The following NAT1 variants were observed in gnomAD, a reference collection of about 807,000 sequenced individuals.
The protein encoded by NAT1 is arylamine N-acetyltransferase 1.
For missense variants in NAT1, 400 were observed against 339.2 expected, an observed-to-expected ratio of 1.18 and a Z score of -1.41; for synonymous variants, 144 against 122.6, an observed-to-expected ratio of 1.17 and a Z score of -1.16.
chr8:18,191,747 C>A (rs1235804847), intron 2 of NAT1, among the ~76,000 whole-genome samples: 2 of 152,018 alleles, frequency 1.3e-5, no homozygotes, highest in Admixed American at 1.3e-4. Flanking sequence ...GAAAGGATTC[C>A]CTATTTAATA....
intron 2 of NAT1, among the ~76,000 whole-genome samples, chr8:18,183,601 C>G (rs1432964524): frequency 6.6e-6 from 1 of 152,202 alleles, no homozygotes; most frequent in African/African-American, 2.4e-5. Flanking sequence ...AATGGTTCAT[C>G]ATTTTCTGTG....
chr8:18,193,631 CTT>C (rs796247875), intron 2 of NAT1, among the ~76,000 whole-genome samples: 221 of 57,522 alleles, frequency 3.8e-3, no homozygotes, highest in African/African-American at 0.015. Context: ...TGTAAACCTG[CTT>C]TTTTTTTTTT....
chr8:18,216,864 AT>A (rs773292157), intron 1 of NAT1: 81 of 1,500,176 alleles, frequency 5.4e-5, no homozygotes, highest in Non-Finnish European at 7.2e-5. Flanking sequence ...ACTCATAATT[AT>A]TTCTTCAACA....
At chr8:18,199,334 A>AC (rs929943394) in intron 2 of NAT1, among the ~76,000 whole-genome samples, 11 of 151,850 alleles carry the variant, frequency 7.2e-5, no homozygotes, top group Admixed American at 3.9e-4. Context: ...AAAAAAAAAA[A>AC]AAAATTTTTT....
chr8:18,187,976 C>CACACAT (rs1422789263), intron 2 of NAT1, among the ~76,000 whole-genome samples: 1 of 150,726 alleles, frequency 6.6e-6, no homozygotes, highest in Non-Finnish European at 1.5e-5. Context: ...CACACACACA[C>CACACAT]ACACTTTTAT....
chr8:18,208,495 G>T (rs1803829652), upstream of NAT1, among the ~76,000 whole-genome samples: 1 of 152,096 alleles, frequency 6.6e-6, no homozygotes. Context: ...ATCTGAAAAA[G>T]AAATCAGGAA....
chr8:18,189,021 G>C (rs979259402), intron 2 of NAT1, among the ~76,000 whole-genome samples: 1 of 124,172 alleles, frequency 8.1e-6, no homozygotes, highest in Non-Finnish European at 1.8e-5. Context: ...AAGAAAGAAA[G>C]AAAGAAAGAA....
At chr8:18,218,811 G>T (rs1804969271) in intron 1 of NAT1, among the ~76,000 whole-genome samples, 1 of 152,072 alleles carries the variant, frequency 6.6e-6, no homozygotes, top group Non-Finnish European at 1.5e-5. Flanking sequence ...AGTTTCGGGG[G>T]TCCCACAATT....
At position 18,219,437 on chromosome 8, in the gene NAT1, C is replaced by A; in HGVS notation, c.-59C>A. ...ATTCAAGCCAGGAAGAAGCAGCAAT[C>A]TGTCTTCTGGATTAAAACTGAAGAT... On this transcript the variant is annotated 5_prime_UTR_variant, in exon 2 of 3. The change creates a new upstream start codon in the 5' untranslated region. Coordinates refer to ENST00000307719, the MANE Select transcript of NAT1 (RefSeq NM_000662.8). 1 of 1,550,458 alleles carries A rather than the reference C, an allele frequency of 6.4e-7. No individual in the cohort carries two copies. The highest frequency in any genetic ancestry group is 1.2e-5 in the South Asian group (1 of 83,870).
chr8:18,185,621 G>A (rs1320698191), intron 2 of NAT1, among the ~76,000 whole-genome samples: 1 of 151,870 alleles, frequency 6.6e-6, no homozygotes, highest in Non-Finnish European at 1.5e-5. Flanking sequence ...TAATGTTGTT[G>A]TTTTCTTTTT....
chr8:18,206,118 T>C (rs2117309824), upstream of NAT1, among the ~76,000 whole-genome samples: 1 of 152,274 alleles, frequency 6.6e-6, no homozygotes, highest in South Asian at 2.1e-4. Flanking sequence ...CCAACTTGTG[T>C]CTATGGTGGC....
At chr8:18,215,086 C>A (rs1804498181) in intron 1 of NAT1, among the ~76,000 whole-genome samples, 1 of 152,032 alleles carries the variant, frequency 6.6e-6, no homozygotes, top group Non-Finnish European at 1.5e-5. Context: ...TCCAGTCTGT[C>A]ACTGATGGGC....
rs558199287 is a variant in NAT1, at chr8:18,203,181, T to C, written n.93-6600T>C. On this transcript the variant is annotated intron_variant and non_coding_transcript_variant, in intron 2 of 4. Coordinates refer to the NAT1 transcript ENST00000517441. ...CTGTATGTTTATACGCTTGTATGTA[T>C]GTACATTTCACTACCCAAATATATG... Among the ~76,000 whole-genome samples, 18 of 152,354 alleles carry C rather than the reference T, an allele frequency of 1.2e-4. No individual in the cohort carries two copies. In the East Asian group the frequency reaches 2.7e-3, roughly 23 times the overall value.
rs1805452169 is a variant in NAT1, at chr8:18,222,618, T to C, written c.571T>C (p.Ser191Pro). The change falls in exon 3 of 3, where the codon TCC becomes CCC. Residue 191 changes from serine (S) to proline (P), a missense_variant. Transcript: ENST00000307719. ...LEDSKYRKIY[S>P]FTLKPRTIED... ...AGACAGCAAATACCGAAAAATCTAC[T>C]CCTTTACTCTTAAGCCTCGAACAAT... 6.2e-7 allele frequency: 1 copy of C among 1,612,832 alleles called. No homozygotes were observed. Among genetic ancestry groups the C allele is most frequent in the African/African-American group, 1.3e-5 (1 of 74,818 alleles).
rs769808211 is a variant in NAT1 at position 18,222,405 on chromosome 8, A to G, written c.358A>G (p.Ile120Val). 2 of 1,613,964 alleles carry G rather than the reference A, an allele frequency of 1.2e-6. No homozygotes were observed. The highest frequency in any genetic ancestry group is 1.7e-5 in the Admixed American group (1 of 59,992). Residue 120 changes from isoleucine (I) to valine (V), a missense_variant, in exon 3 of 3, where the codon ATT becomes GTT. By Grantham distance (29) the Ile-to-Val change is conservative. Coordinates refer to ENST00000307719, the MANE Select transcript of NAT1 (RefSeq NM_000662.8). ...LQVTIDGRNY[I>V]VDAGFGRSYQ... ...GGTGACCATTGATGGCAGGAACTAC[A>G]TTGTCGATGCTGGGTTTGGACGCTC... is the stretch of plus-strand genomic sequence containing the variant.
chr8:18,178,807 C>G (rs963934189), intron 2 of NAT1, among the ~76,000 whole-genome samples: 1 of 152,116 alleles, frequency 6.6e-6, no homozygotes, highest in Non-Finnish European at 1.5e-5. Flanking sequence ...ACAGAGACTT[C>G]TATGGGCTCC....
intron 2 of NAT1, among the ~76,000 whole-genome samples, chr8:18,172,448 A>G (rs188421076): frequency 3.9e-5 from 6 of 152,228 alleles, no homozygotes; most frequent in Non-Finnish European, 7.4e-5. Flanking sequence ...ATCCCTGTCC[A>G]CCATATAATT....
intron 1 of NAT1, among the ~76,000 whole-genome samples, chr8:18,218,488 G>C (rs11777998): frequency 0.16 from 23,870 of 152,102 alleles, 2,388 homozygotes; most frequent in East Asian, 0.46. Flanking sequence ...CATTTTATTA[G>C]ACGCAGCCAC....
chr8:18,179,935 A>C (rs139643046), intron 2 of NAT1, among the ~76,000 whole-genome samples: 79 of 152,308 alleles, frequency 5.2e-4, no homozygotes, highest in African/African-American at 1.8e-3. Flanking sequence ...ACAAAGAATA[A>C]TAGAGGAGAT....
Sources: gnomAD v4.1 joint callset for allele counts (sites outside exome capture counted in the v4.1 genomes callset) on GRCh38, gnomAD v4.1.1 for gene constraint, MANE v1.5 for transcripts, NCBI Gene and HGNC (gene_info 2026-07-23, HGNC 2026-07-21) for gene names.